The following NRG1 variants were observed in gnomAD, a reference collection of about 807,000 sequenced individuals.
NRG1 encodes the protein pro-neuregulin-1, membrane-bound isoform.
NRG1 carries 18 observed loss-of-function variants against 63.8 expected under a neutral mutation model. That is an observed-to-expected ratio of 0.28 (90% confidence interval 0.19 to 0.42). The LOEUF is 0.42. Among genes scored for constraint, NRG1 ranks in the 10% least tolerant of loss-of-function variants. The pLI is 1.00. For missense variants in NRG1, 762 were observed against 814.7 expected (o/e 0.94, Z 0.79); for synonymous variants, 302 against 301.3 (o/e 1.00, Z -0.02).
chr8:32,176,244 A>G (rs1332181997), intron 1 of NRG1, among the ~76,000 whole-genome samples: 2 of 152,246 alleles, frequency 1.3e-5, no homozygotes, highest in Admixed American at 6.5e-5. Flanking sequence ...TCCCTATTTA[A>G]TAAATGGTGC....
At chr8:32,307,770 G>A (rs543402085) in intron 1 of NRG1, among the ~76,000 whole-genome samples, 1 of 152,260 alleles carries the variant, frequency 6.6e-6, no homozygotes, top group South Asian at 2.1e-4. Flanking sequence ...GGTGAAAGCG[G>A]TGAGCATGGC....
chr8:32,560,815 G>A lies in NRG1; in HGVS notation c.100+11989G>A, dbSNP rs569751479. Among the ~76,000 whole-genome samples, 1,103 of 152,248 alleles carry A rather than the reference G, an allele frequency of 7.2e-3. 16 individuals carry two copies. Among genetic ancestry groups the A allele is most frequent in the African/African-American group, 0.025 (1,036 of 41,550 alleles). ...TTTTTGAGTACATAGAAGCAACTAA[G>A]AAATGGATTAAGATGCTGCAGTTAA... On this transcript the variant is annotated intron_variant, in intron 1 of 11. Transcript: ENST00000356819.
intron 1 of NRG1, among the ~76,000 whole-genome samples, chr8:32,239,296 C>T (rs1452768956): frequency 6.8e-6 from 1 of 147,548 alleles, no homozygotes; most frequent in Non-Finnish European, 1.5e-5. Flanking sequence ...AAAAGTGATA[C>T]TGGAGCAATT....
intron 1 of NRG1, among the ~76,000 whole-genome samples, chr8:31,645,244 T>C (rs1298836164): frequency 2.6e-5 from 4 of 152,222 alleles, no homozygotes; most frequent in African/African-American, 9.6e-5. Context: ...ATCAGTCGCT[T>C]TATAGTACTT....
At chr8:31,862,706 G>A (rs773899295) in intron 1 of NRG1, among the ~76,000 whole-genome samples, 1 of 152,172 alleles carries the variant, frequency 6.6e-6, no homozygotes, top group Non-Finnish European at 1.5e-5. Context: ...TATGCTAAGA[G>A]AATGACTTCA....
At chr8:32,118,501 A>G (rs1000724566) in intron 1 of NRG1, among the ~76,000 whole-genome samples, 9 of 152,102 alleles carry the variant, frequency 5.9e-5, no homozygotes, top group African/African-American at 2.2e-4. Context: ...TAGAACCATG[A>G]GCCAAATAAA....
chr8:32,764,441 T>C (rs1259546072), exon 12 of NRG1: 1 of 1,444,276 alleles, frequency 6.9e-7, no homozygotes, highest in Non-Finnish European at 9.2e-7. Context: ...TAAAACTTTA[T>C]TTTATATAAT....
At chr8:31,658,499 G>A (rs1035054894) in intron 1 of NRG1, among the ~76,000 whole-genome samples, 4 of 152,148 alleles carry the variant, frequency 2.6e-5, no homozygotes, top group African/African-American at 9.7e-5. Flanking sequence ...GTCTTGCTCT[G>A]TTGCCCAGGC....
intron 1 of NRG1, among the ~76,000 whole-genome samples, chr8:32,347,994 T>C (rs1805130499): frequency 6.6e-6 from 1 of 152,190 alleles, no homozygotes; most frequent in Non-Finnish European, 1.5e-5. Context: ...GTGGACTGTG[T>C]TTACATATAT....
At chr8:32,491,958 A>G (rs896113677) in intron 1 of NRG1, among the ~76,000 whole-genome samples, 11 of 152,196 alleles carry the variant, frequency 7.2e-5, no homozygotes, top group African/African-American at 2.7e-4. Flanking sequence ...TAAATTCTGT[A>G]TTGAAAATGT....
chr8:31,799,694 C>A (rs568219455), intron 1 of NRG1, among the ~76,000 whole-genome samples: 1 of 151,978 alleles, frequency 6.6e-6, no homozygotes, highest in African/African-American at 2.4e-5. Flanking sequence ...TTAGCCATTT[C>A]TATTTTTTGA....
chr8:32,763,325 G>C (rs774490066), intron 11 of NRG1: 2 of 1,613,886 alleles, frequency 1.2e-6, no homozygotes, highest in South Asian at 2.2e-5. Context: ...CCCCATTTGG[G>C]CTTCATTCTC....
intron 1 of NRG1, among the ~76,000 whole-genome samples, chr8:31,919,205 C>T (rs1266501334): frequency 1.3e-5 from 2 of 152,052 alleles, no homozygotes; most frequent in Non-Finnish European, 2.9e-5. Context: ...CTATTTCCTT[C>T]CGTTCTGCTC....
intron 1 of NRG1, among the ~76,000 whole-genome samples, chr8:32,451,491 C>T (rs1406579446): frequency 2.6e-5 from 4 of 152,200 alleles, no homozygotes; most frequent in Non-Finnish European, 4.4e-5. Context: ...TTCCCTCTCT[C>T]TTCAGTAATT....
chr8:31,697,794 T>C (rs1810227682), intron 1 of NRG1, among the ~76,000 whole-genome samples: 1 of 152,180 alleles, frequency 6.6e-6, no homozygotes, highest in Non-Finnish European at 1.5e-5. Flanking sequence ...ATGTGGACTC[T>C]AAACATTGCT....
rs570067688 is a variant in NRG1 at position 31,858,242 on chromosome 8, T to C, written c.37+218811T>C. On this transcript the variant is annotated intron_variant, in intron 1 of 10. Coordinates refer to the NRG1 transcript ENST00000519301. ...TGAAACTGGGAGGTGGAGCTTGCAA[T>C]GAGCTGAGATGGCGCCACTGCACTC... Among the ~76,000 whole-genome samples the C allele has an allele frequency of 1.4e-4, 21 of 150,858 alleles. No individual in the cohort carries two copies. In the South Asian group the frequency reaches 4.4e-3, roughly 32 times the overall value.
chr8:31,873,339 T>A lies in NRG1; in HGVS notation c.37+233908T>A, dbSNP rs866124180. The stretch of plus-strand genomic sequence containing the variant: ...ACTTTGGGAGGCTGATGTGGGTGGA[T>A]CACGAGGTCAGGAGTTCGAGACCAG... On this transcript the variant is annotated intron_variant, in intron 1 of 10. Transcript: ENST00000519301. Among the ~76,000 whole-genome samples, 77 of 152,202 alleles carry A rather than the reference T, an allele frequency of 5.1e-4. 1 individual carries two copies. The highest frequency in any genetic ancestry group is 1.6e-3 in the African/African-American group (67 of 41,532).
At chr8:32,210,374 A>G (rs1844570381) in intron 1 of NRG1, among the ~76,000 whole-genome samples, 1 of 152,110 alleles carries the variant, frequency 6.6e-6, no homozygotes, top group South Asian at 2.1e-4. Context: ...CCCACTGACA[A>G]TTTGTTGAAG....
chr8:32,540,179 G>C (rs1030527482), intron 1 of NRG1, among the ~76,000 whole-genome samples: 5 of 152,062 alleles, frequency 3.3e-5, no homozygotes, highest in Non-Finnish European at 5.9e-5. Flanking sequence ...CAGGTAAACC[G>C]GCAGGATAAA....
Sources: allele counts gnomAD v4.1 joint callset (sites outside exome capture counted in the v4.1 genomes callset), GRCh38; gene constraint gnomAD v4.1.1; transcripts MANE v1.5; gene names NCBI Gene and HGNC (gene_info 2026-07-23, HGNC 2026-07-21).